Variants in CFAP61 observed in about 807,000 individuals in gnomAD.
CFAP61 encodes cilia and flagella associated protein 61.
In CFAP61, 107 loss-of-function variants were observed where a neutral mutation model predicts 135.6. That is an observed-to-expected ratio of 0.79 (90% CI 0.67 to 0.93). The LOEUF (loss-of-function observed/expected upper bound fraction) is 0.93, where lower values mean the gene tolerates loss of function less well. CFAP61 is among the 40% of genes least tolerant of loss of function. The probability of loss-of-function intolerance (pLI) is 0.00; values close to 1 mark genes in which losing one functional copy is unlikely to be tolerated. For synonymous variants in CFAP61, 575 were observed against 578.5 expected (o/e 0.99, Z 0.09); for missense variants, 1,507 against 1,556.2 (o/e 0.97, Z 0.53).
intron 25 of CFAP61, 26 bp from the exon 26 acceptor site, chr20:20,341,805 C>T: frequency 6.4e-7 from 1 of 1,566,432 alleles, no homozygotes. Context: ...GTTGCCAGCT[C>T]ACTGAGTCTC....
chr20:20,340,913 T>C (rs1296708604), intron 25 of CFAP61, among the ~76,000 whole-genome samples: 2 of 152,022 alleles, frequency 1.3e-5, no homozygotes, highest in African/African-American at 4.8e-5. Flanking sequence ...TAACACAGAC[T>C]CTCGGCGTCG....
chr20:20,199,755 T>A lies in CFAP61; in HGVS notation c.1798-13T>A, dbSNP rs199976724. The stretch of plus-strand genomic sequence containing the variant: ...ACATTCTCTCCCCTAAAATATAGAT[T>A]GCTGTCTTTCAGTTCCAGAACCCCT... On this transcript the variant is annotated splice_polypyrimidine_tract_variant and intron_variant, in intron 16 of 26. Coordinates refer to ENST00000245957, the MANE Select transcript of CFAP61 (RefSeq NM_015585.4). 42 of 1,613,870 alleles carry A rather than the reference T, an allele frequency of 2.6e-5. No homozygotes were observed. The highest frequency in any genetic ancestry group is 3.4e-5 in the Non-Finnish European group (40 of 1,179,928).
chr20:20,359,723 T>G lies in CFAP61; in HGVS notation c.3514-487T>G, dbSNP rs1323263409. Among the ~76,000 whole-genome samples the G allele has an allele frequency of 6.6e-6, 1 of 152,174 alleles. No homozygotes were observed. Among genetic ancestry groups the G allele is most frequent in the Non-Finnish European group, 1.5e-5 (1 of 68,026 alleles). ...AACAAGTATGATCTACAGATGATTT[T>G]TATCTGAAAATGAAGGGCTTGAAAT... On this transcript the variant is annotated intron_variant, in intron 26 of 26. Transcript: ENST00000245957. The surrounding 1 kb of genome is among the most constrained non-coding windows in gnomAD (Gnocchi z 4.0).
intron 6 of CFAP61, 132 bp from the exon 7 acceptor site, chr20:20,090,712 A>G (rs1032728314): frequency 1.9e-5 from 11 of 565,238 alleles, no homozygotes; most frequent in Admixed American, 6.7e-5. Flanking sequence ...AAAAAAAAAA[A>G]GAAGGAAAGT....
intron 2 of CFAP61, among the ~76,000 whole-genome samples, chr20:20,058,870 C>T (rs1315450064): frequency 6.6e-6 from 1 of 152,110 alleles, no homozygotes; most frequent in African/African-American, 2.4e-5. Flanking sequence ...GGTATATGAG[C>T]TCACAGTCAA....
intron 25 of CFAP61, among the ~76,000 whole-genome samples, chr20:20,335,507 T>C (rs981493052): frequency 1.3e-5 from 2 of 152,230 alleles, no homozygotes; most frequent in African/African-American, 4.8e-5. Context: ...GGAAGTGCTT[T>C]GTGAAACTTC....
chr20:20,100,016 T>C lies in CFAP61; in HGVS notation c.859+1202T>C, dbSNP rs58023572. Among the ~76,000 whole-genome samples the C allele has an allele frequency of 3.1e-3, 465 of 152,184 alleles. 1 individual carries two copies. Among genetic ancestry groups the C allele is most frequent in the African/African-American group, 0.011 (437 of 41,516 alleles). ...CCCCAAAAGAGATTTGGGGTCCTTA[T>C]TGTTTAATAGTGAAGCCTTGCTTGC... On this transcript the variant is annotated intron_variant, in intron 8 of 26. Transcript: ENST00000245957.
intron 18 of CFAP61, among the ~76,000 whole-genome samples, chr20:20,244,934 AG>A (rs1230263286): frequency 6.6e-6 from 1 of 152,248 alleles, no homozygotes; most frequent in Admixed American, 6.5e-5. Context: ...TCTCTAGGGC[AG>A]GGGCAAAATG....
intron 7 of CFAP61, chr20:20,095,653 C>G (rs1004305030): frequency 2.0e-5 from 3 of 152,438 alleles, no homozygotes; most frequent in Non-Finnish European, 4.4e-5. Flanking sequence ...AGCGGCGGCT[C>G]CTAGTGACAG....
chr20:20,229,753 G>A (rs2048998706), intron 18 of CFAP61, among the ~76,000 whole-genome samples: 1 of 152,174 alleles, frequency 6.6e-6, no homozygotes, highest in Non-Finnish European at 1.5e-5. Flanking sequence ...CATACTCTTA[G>A]GTAACTAGAA....
rs769555959 is a variant in CFAP61, at chr20:20,213,545, GA to G, written c.1932+13656del. Among the ~76,000 whole-genome samples the G allele has an allele frequency of 6.5e-3, 851 of 131,272 alleles. 13 individuals carry two copies. The highest frequency in any genetic ancestry group is 0.02 in the African/African-American group (704 of 36,026). 86.1% of individuals were successfully genotyped at this position (131,272 alleles called of 152,430 possible). A position where few individuals can be genotyped will look rare whatever the true frequency, so the allele number is the denominator to read the frequency against. On this transcript the variant is annotated intron_variant, in intron 17 of 26. Coordinates refer to ENST00000245957, the MANE Select transcript of CFAP61 (RefSeq NM_015585.4). Reference sequence around the variant, plus strand: ...CAGGGAGGACACTGTATCTGTTTAAGAAAAAAAAAAAAATGACAAAGTAACC... The same window carrying G: ...CAGGGAGGACACTGTATCTGTTTAAGAAAAAAAAAAAATGACAAAGTAACC...
chr20:20,158,008 G>A (rs1217818584), intron 9 of CFAP61, among the ~76,000 whole-genome samples: 1 of 150,674 alleles, frequency 6.6e-6, no homozygotes, highest in African/African-American at 2.4e-5. Context: ...ACCAAACACC[G>A]CATATTCTCA....
At chr20:20,193,511 A>G (rs1350475376) in intron 15 of CFAP61, among the ~76,000 whole-genome samples, 1 of 151,966 alleles carries the variant, frequency 6.6e-6, no homozygotes, top group Non-Finnish European at 1.5e-5. Context: ...GGTGTTGGGT[A>G]GTAAGGTCCC....
intron 25 of CFAP61, among the ~76,000 whole-genome samples, chr20:20,309,652 T>C (rs542065669): frequency 2.0e-5 from 3 of 152,296 alleles, no homozygotes; most frequent in African/African-American, 7.2e-5. Context: ...GACCATTCTT[T>C]AGTAAAAGCA....
chr20:20,348,882 T>G (rs1328663672), intron 26 of CFAP61, among the ~76,000 whole-genome samples: 1 of 151,620 alleles, frequency 6.6e-6, no homozygotes, highest in African/African-American at 2.4e-5. Context: ...CAGATAACAT[T>G]ACACTCAGTA....
intron 17 of CFAP61, among the ~76,000 whole-genome samples, chr20:20,209,728 T>C (rs2047495505): frequency 6.6e-6 from 1 of 152,184 alleles, no homozygotes; most frequent in South Asian, 2.1e-4. Context: ...ATTTCTTCTT[T>C]CATGTTTTTA....
At chr20:20,293,305 T>C (rs1172766496) in intron 24 of CFAP61, among the ~76,000 whole-genome samples, 1 of 152,224 alleles carries the variant, frequency 6.6e-6, no homozygotes, top group Non-Finnish European at 1.5e-5. Context: ...GCAACTTAAA[T>C]AGATTCTTTG....
At chr20:20,174,709 C>T (rs2054477873) in intron 13 of CFAP61, among the ~76,000 whole-genome samples, 1 of 152,122 alleles carries the variant, frequency 6.6e-6, no homozygotes, top group Middle Eastern at 3.4e-3. Context: ...GAGGCTTCTA[C>T]ACAGATGAGA....
At chr20:20,301,421 G>A (rs911684667) in intron 25 of CFAP61, among the ~76,000 whole-genome samples, 6 of 152,140 alleles carry the variant, frequency 3.9e-5, no homozygotes, top group Non-Finnish European at 7.3e-5. Context: ...TGCCAACAAC[G>A]TGTTTCTCAG....
Sources: gnomAD v4.1 joint callset for allele counts (sites outside exome capture counted in the v4.1 genomes callset) on GRCh38, gnomAD v4.1.1 for gene constraint, Gnocchi (gnomAD v3.1) non-coding constraint, MANE v1.5 for transcripts, NCBI Gene and HGNC (gene_info 2026-07-23, HGNC 2026-07-21) for gene names.